The following INPP5A variants were observed in gnomAD, a reference collection of about 807,000 sequenced individuals.
INPP5A encodes the protein 43 kDa inositol polyphosphate 5-phophatase.
A neutral mutation model predicts 65.2 loss-of-function variants in INPP5A; 14 were observed. That is an observed-to-expected ratio of 0.21 (90% confidence interval 0.14 to 0.34). The LOEUF (loss-of-function observed/expected upper bound fraction) is 0.34. Ranked by LOEUF, INPP5A falls within the 10% of genes least tolerant of loss-of-function variation. The pLI is 1.00. For synonymous variants in INPP5A, 207 were observed against 208.3 expected (o/e 0.99, Z 0.05); for missense variants, 431 against 545.6 (o/e 0.79, Z 2.09).
intron 1 of INPP5A, among the ~76,000 whole-genome samples, chr10:132,583,170 TTA>T (rs1370582396): frequency 6.6e-6 from 1 of 152,226 alleles, no homozygotes; most frequent in Non-Finnish European, 1.5e-5. Flanking sequence ...GTTACGTAGT[TTA>T]TGTTTTTTAT....
chr10:132,703,953 T>TCA (rs1280734442), intron 6 of INPP5A, among the ~76,000 whole-genome samples: 2 of 84,788 alleles, frequency 2.4e-5, no homozygotes, highest in Non-Finnish European at 4.4e-5. Flanking sequence ...ACACGCGGCT[T>TCA]CACACACACA....
intron 2 of INPP5A, among the ~76,000 whole-genome samples, chr10:132,622,927 C>T (rs549380750): frequency 2.1e-4 from 31 of 149,744 alleles, no homozygotes; most frequent in Non-Finnish European, 3.5e-4. Flanking sequence ...GTTACGCTGA[C>T]GTGTTAGAAC....
chr10:132,576,957 C>T (rs780543126), intron 1 of INPP5A, among the ~76,000 whole-genome samples: 2 of 152,230 alleles, frequency 1.3e-5, no homozygotes, highest in South Asian at 4.1e-4. Context: ...TTGCTGTGAG[C>T]CCAGTGGTGG....
intron 4 of INPP5A, among the ~76,000 whole-genome samples, chr10:132,682,941 C>G (rs1227821248): frequency 6.6e-6 from 1 of 152,030 alleles, no homozygotes; most frequent in East Asian, 1.9e-4. Flanking sequence ...TCTGCCATGA[C>G]CCAGCAATGC....
intron 4 of INPP5A, among the ~76,000 whole-genome samples, chr10:132,687,205 A>T (rs1845151177): frequency 6.6e-6 from 1 of 152,170 alleles, no homozygotes; most frequent in Non-Finnish European, 1.5e-5. Flanking sequence ...CGCCCCCACA[A>T]AGTGCTGGTA....
rs113461799 is a variant in INPP5A, at chr10:132,661,325, A to G, written c.306+10820A>G. ...TCAGAAGGGTCTTACTAACATAAAAATATTTTGATTATGTCTTCAGAATCT... is the reference window on the plus strand; with the variant it reads ...TCAGAAGGGTCTTACTAACATAAAAGTATTTTGATTATGTCTTCAGAATCT... On this transcript the variant is annotated intron_variant, in intron 4 of 15. Coordinates refer to ENST00000368594, the MANE Select transcript of INPP5A (RefSeq NM_005539.5). Among the ~76,000 whole-genome samples, 109 of 152,366 alleles carry G rather than the reference A, an allele frequency of 7.2e-4. 1 individual carries two copies. The highest frequency in any genetic ancestry group is 2.3e-3 in the African/African-American group (97 of 41,584).
intron 4 of INPP5A, among the ~76,000 whole-genome samples, chr10:132,654,838 T>C (rs2072631520): frequency 6.6e-6 from 1 of 152,188 alleles, no homozygotes; most frequent in African/African-American, 2.4e-5. Context: ...CGCGTGAGCC[T>C]GTGGGGGGGA....
chr10:132,648,664 A>G (rs1010809182), intron 3 of INPP5A, among the ~76,000 whole-genome samples: 3 of 151,948 alleles, frequency 2.0e-5, no homozygotes, highest in Non-Finnish European at 4.4e-5. Context: ...TAGCTTGTCA[A>G]TTTTTTTTCC....
At position 132,550,958 on chromosome 10, in the gene INPP5A, C is replaced by CAT. The variant is rs1319188308; in HGVS notation, c.75+12788_75+12789dup. Among the ~76,000 whole-genome samples, 3 of 152,172 alleles carry CAT rather than the reference C, an allele frequency of 2.0e-5. No homozygotes were observed. Among genetic ancestry groups the CAT allele is most frequent in the African/African-American group, 7.2e-5 (3 of 41,424 alleles). On this transcript the variant is annotated intron_variant, in intron 1 of 15. Transcript: ENST00000368594. This position sits in a 1 kb window ranked among gnomAD's most constrained non-coding sequence, Gnocchi z 4.2. ...TGGCCATCCTTGGGTGACAGTGGGC[C>CAT]ATGTGGTGGGGACTCTGCAGGCCAC...
intron 2 of INPP5A, among the ~76,000 whole-genome samples, chr10:132,609,460 A>C (rs1179023608): frequency 6.6e-6 from 1 of 152,096 alleles, no homozygotes; most frequent in East Asian, 1.9e-4. Flanking sequence ...ACATCCTTGC[A>C]GAACCTTCGT....
At position 132,762,970 on chromosome 10, in the gene INPP5A, CAG is replaced by C. The variant is rs1846760787; in HGVS notation, c.904-2800_904-2799del. On this transcript the variant is annotated intron_variant, in intron 11 of 15. Transcript: ENST00000368594. The surrounding 1 kb of genome is among the most constrained non-coding windows in gnomAD (Gnocchi z 4.6). ...CATCACTGCACTCCAGCCTGGGTGACAGAGGGAGACTCTGTTTCAATAAATAA... is the reference window on the plus strand; with the variant it reads ...CATCACTGCACTCCAGCCTGGGTGACAGGGAGACTCTGTTTCAATAAATAA... 6.6e-6 allele frequency among the ~76,000 whole-genome samples: 1 copy of C among 152,190 alleles called. No individual in the cohort carries two copies. The highest frequency in any genetic ancestry group is 2.4e-5 in the African/African-American group (1 of 41,442).
At position 132,732,374 on chromosome 10, in the gene INPP5A, G is replaced by A. The variant is rs570097371; in HGVS notation, c.732+5469G>A. 1.6e-4 allele frequency among the ~76,000 whole-genome samples: 25 copies of A among 152,282 alleles called. No homozygotes were observed. In the South Asian group the frequency reaches 5.0e-3, roughly 30 times the overall value. On this transcript the variant is annotated intron_variant, in intron 9 of 15. Coordinates refer to ENST00000368594, the MANE Select transcript of INPP5A (RefSeq NM_005539.5). The stretch of plus-strand genomic sequence containing the variant: ...TAGCTGTTCATTTGACAAGTCTTTC[G>A]TTACATTTTGCACACAGTTTACTAT...
At chr10:132,553,548 T>C (rs542326785) in intron 1 of INPP5A, among the ~76,000 whole-genome samples, 840 of 121,810 alleles carry the variant, frequency 6.9e-3, no homozygotes, top group Non-Finnish European at 0.011. Context: ...GGAGGGAGGA[T>C]TGGTGAACGC....
intron 9 of INPP5A, among the ~76,000 whole-genome samples, chr10:132,731,733 G>T (rs1211181002): frequency 6.6e-6 from 1 of 152,138 alleles, no homozygotes; most frequent in African/African-American, 2.4e-5. Flanking sequence ...CCCCCAGTGA[G>T]GGTTTCCTCC....
chr10:132,539,631 G>A (rs956918780), intron 1 of INPP5A, among the ~76,000 whole-genome samples: 1 of 152,214 alleles, frequency 6.6e-6, no homozygotes, highest in African/African-American at 2.4e-5. Context: ...CCCAAATAAA[G>A]CAGAGTGAGG....
chr10:132,716,528 G>A (rs1029308499), intron 8 of INPP5A, among the ~76,000 whole-genome samples: 6 of 152,210 alleles, frequency 3.9e-5, no homozygotes, highest in Admixed American at 6.5e-5. Flanking sequence ...TCTGGAGAGC[G>A]TTTGGGTGGT....
At chr10:132,654,043 A>G (rs1012318853) in intron 4 of INPP5A, among the ~76,000 whole-genome samples, 33 of 152,260 alleles carry the variant, frequency 2.2e-4, no homozygotes, top group South Asian at 6.2e-4. Context: ...GCGGCTGAAC[A>G]GGCCACCCAG....
rs1018952465 is a variant in INPP5A at position 132,710,842 on chromosome 10, G to GGAGA, written c.647+388_647+391dup. ...GTGCTGGGCAGGTATAGGTATGGGT[G>GGAGA]GAGAGGTAGGTGTGGGCGGGCGGGT... On this transcript the variant is annotated intron_variant, in intron 8 of 15. Transcript: ENST00000368594. Among the ~76,000 whole-genome samples the GGAGA allele has an allele frequency of 3.3e-5, 5 of 151,352 alleles. No homozygotes were observed. The East Asian group carries it at 5.8e-4, about 18-fold the overall frequency.
At chr10:132,694,832 T>C (rs530087187) in intron 5 of INPP5A, among the ~76,000 whole-genome samples, 1 of 152,196 alleles carries the variant, frequency 6.6e-6, no homozygotes, top group Non-Finnish European at 1.5e-5. Context: ...TGAAAACTCA[T>C]AAAAGGAAAA....
Sources: gnomAD v4.1 joint callset for allele counts (sites outside exome capture counted in the v4.1 genomes callset) on GRCh38, gnomAD v4.1.1 for gene constraint, Gnocchi (gnomAD v3.1) non-coding constraint, MANE v1.5 for transcripts, NCBI Gene and HGNC (gene_info 2026-07-23, HGNC 2026-07-21) for gene names.